The following PARN variants were observed in gnomAD, a reference collection of about 807,000 sequenced individuals.
The protein encoded by PARN is poly(A)-specific ribonuclease PARN.
A neutral mutation model predicts 102.8 loss-of-function variants in PARN; 71 were observed. The observed-to-expected ratio is 0.69, with a 90% CI of 0.57 to 0.84. The LOEUF is 0.84. Among genes scored for constraint, PARN ranks in the 40% least tolerant of loss-of-function variants. The pLI, the probability that PARN is intolerant of heterozygous loss-of-function variation, is 0.00. For missense variants in PARN, 782 were observed against 760.9 expected (o/e 1.03, Z -0.33); for synonymous variants, 261 against 252.9 (o/e 1.03, Z -0.30).
chr16:14,551,071 T>G (rs1967269344), intron 21 of PARN, among the ~76,000 whole-genome samples: 1 of 151,552 alleles, frequency 6.6e-6, no homozygotes, highest in South Asian at 2.1e-4. Flanking sequence ...CAAGCAATTC[T>G]CCTGCCTCAG....
intron 11 of PARN, among the ~76,000 whole-genome samples, chr16:14,600,219 C>T (rs894944213): frequency 1.3e-5 from 2 of 152,082 alleles, no homozygotes; most frequent in African/African-American, 4.8e-5. Context: ...AGGGTTTATC[C>T]ATCACTTCAC....
chr16:14,601,445 G>C (rs994724230), intron 11 of PARN, among the ~76,000 whole-genome samples: 2 of 152,100 alleles, frequency 1.3e-5, no homozygotes, highest in African/African-American at 4.8e-5. Flanking sequence ...GGGGCTGGGT[G>C]TCAGGGGTGG....
At chr16:14,487,933 T>C (rs1375450595) in intron 21 of PARN, among the ~76,000 whole-genome samples, 1 of 152,158 alleles carries the variant, frequency 6.6e-6, no homozygotes, top group African/African-American at 2.4e-5. Flanking sequence ...AGATGAATTC[T>C]AAAATTAGAA....
intron 21 of PARN, among the ~76,000 whole-genome samples, chr16:14,532,379 T>G (rs1966390657): frequency 6.6e-6 from 1 of 151,636 alleles, no homozygotes; most frequent in Admixed American, 6.6e-5. Context: ...GTGATGACTC[T>G]TAAGGAGCAT....
intron 2 of PARN, among the ~76,000 whole-genome samples, chr16:14,628,574 C>A (rs1972822290): frequency 6.6e-6 from 1 of 152,172 alleles, no homozygotes; most frequent in South Asian, 2.1e-4. Flanking sequence ...CCTGTATAAA[C>A]AGACATCAAT....
intron 18 of PARN, 137 bp from the exon 19 acceptor site, chr16:14,555,846 C>G: frequency 2.1e-6 from 1 of 478,400 alleles, no homozygotes; most frequent in Non-Finnish European, 3.7e-6. Context: ...CTTGATATCA[C>G]TCTATTTGTA....
intron 1 of PARN, among the ~76,000 whole-genome samples, 194 bp from the exon 2 acceptor site, chr16:14,629,868 G>GC (rs770294310): frequency 6.6e-6 from 1 of 152,192 alleles, no homozygotes; most frequent in African/African-American, 2.4e-5. Context: ...GGGGTGCCCG[G>GC]CCCGGAGAAG....
intron 21 of PARN, among the ~76,000 whole-genome samples, chr16:14,504,216 G>A (rs917260910): frequency 6.6e-6 from 1 of 152,168 alleles, no homozygotes; most frequent in Non-Finnish European, 1.5e-5. Context: ...ATGTTTAATA[G>A]TAGGAGAATA....
chr16:14,607,436 G>C (rs1242179786), intron 9 of PARN, among the ~76,000 whole-genome samples: 1 of 151,964 alleles, frequency 6.6e-6, no homozygotes, highest in African/African-American at 2.4e-5. Context: ...TTGAACTCCT[G>C]ACCTCAGGTG....
rs770832839 is a variant in PARN at position 14,516,758 on chromosome 16, G to A, written c.1481-33931C>T. ...CCAAACTCATGGAACAAACATCATC[G>A]TAGGAACTGAGAGTGAGAATTAAAT... On this transcript the variant is annotated intron_variant, in intron 21 of 23. Transcript: ENST00000437198. Among the ~76,000 whole-genome samples, 10 of 152,286 alleles carry A rather than the reference G, an allele frequency of 6.6e-5. No homozygotes were observed. The East Asian group carries it at 1.7e-3, about 26-fold the overall frequency.
At chr16:14,440,110 T>C (rs1207559138) in intron 23 of PARN, among the ~76,000 whole-genome samples, 1 of 152,040 alleles carries the variant, frequency 6.6e-6, no homozygotes, top group Non-Finnish European at 1.5e-5. Context: ...GTAAAATGCT[T>C]AAAAGGACTT....
At chr16:14,469,520 G>C (rs910067430) in intron 22 of PARN, among the ~76,000 whole-genome samples, 1 of 152,244 alleles carries the variant, frequency 6.6e-6, no homozygotes, top group South Asian at 2.1e-4. Context: ...TGGCCAAAAA[G>C]GAGGCCCCTC....
At chr16:14,481,045 T>C (rs138225814) in intron 22 of PARN, among the ~76,000 whole-genome samples, 2 of 152,302 alleles carry the variant, frequency 1.3e-5, no homozygotes, top group East Asian at 3.9e-4. Context: ...TAAAATGGCA[T>C]ATCAAACTTG....
intron 22 of PARN, among the ~76,000 whole-genome samples, chr16:14,470,748 C>G (rs906183662): frequency 2.0e-5 from 3 of 152,140 alleles, no homozygotes; most frequent in African/African-American, 7.2e-5. Flanking sequence ...CATGAGGCAT[C>G]TGGCCTGGCT....
chr16:14,547,896 T>C (rs1331885431), intron 21 of PARN, among the ~76,000 whole-genome samples: 1 of 152,166 alleles, frequency 6.6e-6, no homozygotes, highest in East Asian at 1.9e-4. Flanking sequence ...TGTTACATTA[T>C]TGACCTAAGA....
chr16:14,516,530 T>G (rs1356771416), intron 21 of PARN, among the ~76,000 whole-genome samples: 2 of 152,162 alleles, frequency 1.3e-5, no homozygotes, highest in Non-Finnish European at 2.9e-5. Flanking sequence ...GCCATCACAC[T>G]TTGAGAGAAG....
rs1181572125 is a variant in PARN, at chr16:14,491,462, T to C, written c.1481-8635A>G. ...TTTCCAGGAATTCAACATATGATCA[T>C]AGGAAGAAACAAAACTTCAGGCCAG... On this transcript the variant is annotated intron_variant, in intron 21 of 23. Transcript: ENST00000437198. Among the ~76,000 whole-genome samples the C allele has an allele frequency of 2.6e-5, 4 of 152,142 alleles. No homozygotes were observed. In the South Asian group the frequency reaches 6.2e-4, roughly 24 times the overall value.
At chr16:14,438,365 A>T (rs1202922971) in intron 23 of PARN, among the ~76,000 whole-genome samples, 3 of 151,028 alleles carry the variant, frequency 2.0e-5, no homozygotes, top group Admixed American at 1.3e-4. Flanking sequence ...CAGAGGAAAA[A>T]GGAAGATAAA....
chr16:14,592,490 G>A (rs767033812), intron 13 of PARN, among the ~76,000 whole-genome samples: 4 of 152,236 alleles, frequency 2.6e-5, no homozygotes, highest in Non-Finnish European at 4.4e-5. Context: ...CACGCAAACC[G>A]TATGGAGCAG....
Sources: gnomAD v4.1 joint callset for allele counts (sites outside exome capture counted in the v4.1 genomes callset) on GRCh38, gnomAD v4.1.1 for gene constraint, MANE v1.5 for transcripts, NCBI Gene and HGNC (gene_info 2026-07-23, HGNC 2026-07-21) for gene names.